The following ADAMTSL1 variants were observed in gnomAD, a reference collection of about 807,000 sequenced individuals.
The protein encoded by ADAMTSL1 is ADAMTS like 1, also known as ADAMTS-like protein 1.
A neutral mutation model predicts 201.8 loss-of-function variants in ADAMTSL1; 126 were observed. The observed-to-expected ratio is 0.62, with a 90% CI of 0.54 to 0.72. ADAMTSL1 has a LOEUF of 0.72. Ranked by LOEUF, ADAMTSL1 falls within the 30% of genes least tolerant of loss-of-function variation. ADAMTSL1 has a pLI of 0.00. For synonymous variants in ADAMTSL1, 1,121 were observed against 903.4 expected (o/e 1.24, Z -4.32); for missense variants, 2,679 against 2,277.8 (o/e 1.18, Z -3.59).
chr9:18,445,844 G>C (rs1221587057), intron 2 of ADAMTSL1, among the ~76,000 whole-genome samples: 1 of 152,038 alleles, frequency 6.6e-6, no homozygotes, highest in Non-Finnish European at 1.5e-5. Flanking sequence ...AGAATAATCA[G>C]AATAATATAC....
At chr9:18,191,735 G>A (rs1828979447) in intron 2 of ADAMTSL1, among the ~76,000 whole-genome samples, 1 of 152,134 alleles carries the variant, frequency 6.6e-6, no homozygotes, top group Non-Finnish European at 1.5e-5. Context: ...AATAATTGTG[G>A]TAACTGGCAT....
intron 2 of ADAMTSL1, among the ~76,000 whole-genome samples, chr9:18,263,443 C>T (rs528652483): frequency 3.9e-5 from 6 of 152,274 alleles, no homozygotes; most frequent in East Asian, 1.9e-4. Flanking sequence ...TCAATGTTGG[C>T]GTCACCTGGT....
intron 1 of ADAMTSL1, among the ~76,000 whole-genome samples, chr9:18,147,813 C>T (rs1826714491): frequency 6.6e-6 from 1 of 152,084 alleles, no homozygotes; most frequent in African/African-American, 2.4e-5. Flanking sequence ...AGGTGGTTTA[C>T]AGTTCAGAGC....
At chr9:18,055,189 G>GCT (rs1392204429) in intron 1 of ADAMTSL1, among the ~76,000 whole-genome samples, 3 of 152,186 alleles carry the variant, frequency 2.0e-5, no homozygotes, top group African/African-American at 7.2e-5. Context: ...TAGTAACAGT[G>GCT]CTCTTTTTTA....
chr9:18,273,329 C>T (rs149356890), intron 2 of ADAMTSL1, among the ~76,000 whole-genome samples: 2,031 of 152,338 alleles, frequency 0.013, 56 homozygotes, highest in African/African-American at 0.047. Flanking sequence ...GATCCGCCCG[C>T]GTTGGCCTCT....
At position 18,559,146 on chromosome 9, in the gene ADAMTSL1, A is replaced by T. The variant is rs1244574045; in HGVS notation, c.238-14884A>T. Among the ~76,000 whole-genome samples, 3 of 152,228 alleles carry T rather than the reference A, an allele frequency of 2.0e-5. No homozygotes were observed. In the East Asian group the frequency reaches 5.8e-4, roughly 29 times the overall value. ...TAGAGTTTTTATGGTTTTAGGTCTT[A>T]TGTTTAAGTCTTATTCCATCTTGAG... is the stretch of plus-strand genomic sequence containing the variant. On this transcript the variant is annotated intron_variant, in intron 3 of 28. Transcript: ENST00000380548.
At chr9:18,513,314 C>T (rs1403748014) in intron 2 of ADAMTSL1, among the ~76,000 whole-genome samples, 3 of 152,146 alleles carry the variant, frequency 2.0e-5, no homozygotes, top group Admixed American at 6.5e-5. Context: ...TTTCTCCCTC[C>T]GCCGCAACCT....
chr9:18,210,884 C>T (rs1251767027), intron 2 of ADAMTSL1, among the ~76,000 whole-genome samples: 1 of 151,468 alleles, frequency 6.6e-6, no homozygotes, highest in Non-Finnish European at 1.5e-5. Context: ...AATTTGTCAC[C>T]ATAGAGTTTA....
chr9:18,267,822 C>T (rs1309862465), intron 2 of ADAMTSL1, among the ~76,000 whole-genome samples: 2 of 146,952 alleles, frequency 1.4e-5, no homozygotes, highest in African/African-American at 2.6e-5. Context: ...ACACTGAGCC[C>T]AGAAACCAGG....
chr9:18,830,000 T>C (rs751322287), intron 23 of ADAMTSL1, 23 bp downstream of exon 23: 28 of 1,589,818 alleles, frequency 1.8e-5, no homozygotes, highest in Non-Finnish European at 1.9e-5. Context: ...CTCGGAAACA[T>C]TGGGCAGAAA....
chr9:18,066,303 C>T (rs1822698251), intron 1 of ADAMTSL1, among the ~76,000 whole-genome samples: 2 of 152,106 alleles, frequency 1.3e-5, no homozygotes, highest in African/African-American at 4.8e-5. Context: ...GCTCATATTT[C>T]TGGGATGCTA....
At chr9:18,304,137 A>C (rs917940676) in intron 2 of ADAMTSL1, among the ~76,000 whole-genome samples, 1 of 152,034 alleles carries the variant, frequency 6.6e-6, no homozygotes, top group African/African-American at 2.4e-5. Flanking sequence ...GTTATAAAAC[A>C]GTGGCTTTCA....
intron 3 of ADAMTSL1, among the ~76,000 whole-genome samples, chr9:18,560,415 T>A (rs1245693250): frequency 6.6e-6 from 1 of 152,220 alleles, no homozygotes; most frequent in East Asian, 1.9e-4. Flanking sequence ...TTTGCCAGTA[T>A]TTTGTTGAAG....
chr9:18,706,798 C>T lies in ADAMTSL1; in HGVS notation c.1626C>T (p.Thr542=), dbSNP rs946805836. Residue 542 remains threonine, a synonymous_variant, in exon 14 of 29, where the codon ACC becomes ACT. Transcript: ENST00000380548. ...GCACAGTCACCTGTGGTGTGGGGACCCAGGTGCGAATAGTCAGGTGCCAGG... is the reference window on the plus strand; with the variant it reads ...GCACAGTCACCTGTGGTGTGGGGACTCAGGTGCGAATAGTCAGGTGCCAGG... ...SACTVTCGVG[T]QVRIVRCQVL... is the part of the protein sequence containing the mutation. 6.2e-7 allele frequency: 1 copy of T among 1,609,088 alleles called. No individual in the cohort carries two copies.
rs370665996 is a variant in ADAMTSL1, at chr9:18,826,399, G to A, written c.4050G>A (p.Leu1350=). 1.2e-6 allele frequency: 2 copies of A among 1,613,812 alleles called. No homozygotes were observed. The highest frequency in any genetic ancestry group is 2.2e-5 in the East Asian group (1 of 44,876). ...ACGTGTCCTCCTCGGATCAGGGCCTGTACTCCTGCAGGGCGGCCAATCTTC... is the reference window on the plus strand; with the variant it reads ...ACGTGTCCTCCTCGGATCAGGGCCTATACTCCTGCAGGGCGGCCAATCTTC... The part of the protein sequence containing the change: ...LTNVSSSDQG[L]YSCRAANLHG... The change falls in exon 22 of 29, where the codon CTG becomes CTA. Residue 1350 remains leucine (L), a synonymous_variant. Transcript: ENST00000380548.
intron 2 of ADAMTSL1, among the ~76,000 whole-genome samples, chr9:18,468,004 G>A (rs150312319): frequency 6.8e-4 from 103 of 152,292 alleles, no homozygotes; most frequent in African/African-American, 2.4e-3. Context: ...TTGGATTTAT[G>A]TATTACACTT....
intron 2 of ADAMTSL1, among the ~76,000 whole-genome samples, chr9:18,442,120 G>C (rs1820018325): frequency 6.6e-6 from 1 of 152,132 alleles, no homozygotes; most frequent in South Asian, 2.1e-4. Flanking sequence ...ACTCTCCATA[G>C]ATGAAATTCA....
At chr9:18,554,303 G>T (rs1820976365) in intron 3 of ADAMTSL1, among the ~76,000 whole-genome samples, 2 of 151,152 alleles carry the variant, frequency 1.3e-5, no homozygotes, top group African/African-American at 2.4e-5. Context: ...ATTTTCTGTA[G>T]GTCTGATTTT....
At chr9:18,710,303 G>A (rs1157664965) in intron 14 of ADAMTSL1, among the ~76,000 whole-genome samples, 1 of 152,150 alleles carries the variant, frequency 6.6e-6, no homozygotes, top group Non-Finnish European at 1.5e-5. Context: ...CACAGGGCTG[G>A]CCCAAGATAC....
Sources: gnomAD v4.1 joint callset for allele counts (sites outside exome capture counted in the v4.1 genomes callset) on GRCh38, gnomAD v4.1.1 for gene constraint, MANE v1.5 for transcripts, NCBI Gene and HGNC (gene_info 2026-07-23, HGNC 2026-07-21) for gene names.